Variants in TGDS observed in about 807,000 individuals in gnomAD.
TGDS encodes TDP-glucose 4,6-dehydratase.
A neutral mutation model predicts 52.3 loss-of-function variants in TGDS; 47 were observed. The observed-to-expected ratio is 0.90, with a 90% CI of 0.71 to 1.15. TGDS has a LOEUF of 1.15. Among genes scored for constraint, TGDS ranks in the 50% most tolerant of loss-of-function variants. The pLI, the probability that TGDS is intolerant of heterozygous loss-of-function variation, is 0.00. For missense variants in TGDS, 375 were observed against 418.4 expected (o/e 0.90, Z 0.90); for synonymous variants, 115 against 136.9 (o/e 0.84, Z 1.12).
At chr13:94,579,827 A>G in intron 7 of TGDS, 67 bp downstream of exon 7, 1 of 861,836 alleles carries the variant, frequency 1.2e-6, no homozygotes, top group Non-Finnish European at 1.9e-6. Context: ...AACTGAAAAG[A>G]GGTTATTTCA....
intron 4 of TGDS, among the ~76,000 whole-genome samples, chr13:94,587,866 G>A (rs950729518): frequency 2.6e-5 from 4 of 151,226 alleles, no homozygotes; most frequent in Non-Finnish European, 4.4e-5. Context: ...GTGTGGTGGC[G>A]GGCGCCTGTA....
At chr13:94,593,772 C>T (rs1410176433) in intron 2 of TGDS, 69 bp downstream of exon 2, 2 of 1,128,038 alleles carry the variant, frequency 1.8e-6, no homozygotes, top group African/African-American at 1.6e-5. Flanking sequence ...TGACAAGATT[C>T]TAGTACTTTT....
rs66717082 is a variant in TGDS at position 94,575,285 on chromosome 13, CTTTT to C, written c.983-437_983-434del. ...CAATGAGTTGATGTGAACTTCCTTGCTTTTTTTTTTTTTTTTTTTTTAAAGAGAT... is the reference window on the plus strand; with the variant it reads ...CAATGAGTTGATGTGAACTTCCTTGCTTTTTTTTTTTTTTTTTAAAGAGAT... On this transcript the variant is annotated intron_variant, in intron 11 of 11. Coordinates refer to ENST00000261296, the MANE Select transcript of TGDS (RefSeq NM_014305.4). Among the ~76,000 whole-genome samples, 5 of 113,202 alleles carry C rather than the reference CTTTT, an allele frequency of 4.4e-5. No homozygotes were observed. The South Asian group carries it at 8.8e-4, about 20-fold the overall frequency. The allele number at this position is 113,202 out of a possible 152,430, so 74.3% of individuals were successfully genotyped here.
chr13:94,585,036 G>C (rs1474795235), intron 4 of TGDS, among the ~76,000 whole-genome samples: 2 of 151,882 alleles, frequency 1.3e-5, no homozygotes, highest in Non-Finnish European at 2.9e-5. Context: ...TAAATCTCAA[G>C]GTAACCAAAT....
chr13:94,577,657 C>T (rs1385494405), intron 9 of TGDS, among the ~76,000 whole-genome samples: 3 of 152,116 alleles, frequency 2.0e-5, no homozygotes, highest in African/African-American at 7.2e-5. Context: ...TTCTATTAAA[C>T]TAAGATTTAA....
Position 94,583,110 on chromosome 13 carries a change from C to T in TGDS, c.440G>A (p.Gly147Asp), listed in dbSNP as rs1566957610. The T allele has an allele frequency of 6.2e-7, 1 of 1,613,688 alleles. No individual in the cohort carries two copies. The highest frequency in any genetic ancestry group is 8.5e-7 in the Non-Finnish European group (1 of 1,179,882). The change falls in exon 5 of 12, where the codon GGT (glycine) becomes GAT (aspartate). Residue 147 changes from glycine to aspartate, a missense_variant. Transcript: ENST00000261296. ...TAAGCTCACCTTATCAAGACTGCCA[C>T]CATATACTTCATCTGTGCTGACATA... is the stretch of plus-strand genomic sequence containing the variant. ...FIYVSTDEVY[G>D]GSLDKEFDES...
intron 5 of TGDS, among the ~76,000 whole-genome samples, chr13:94,581,991 G>A (rs9561637): frequency 6.6e-6 from 1 of 152,098 alleles, no homozygotes; most frequent in African/African-American, 2.4e-5. Flanking sequence ...CCTGAGGTCA[G>A]GAGTTCGAGA....
chr13:94,595,769 T>C (rs1889352570), intron 1 of TGDS, among the ~76,000 whole-genome samples: 1 of 151,940 alleles, frequency 6.6e-6, no homozygotes, highest in South Asian at 2.1e-4. Flanking sequence ...TTAGGGTAAC[T>C]TGCACGCACT....
chr13:94,588,014 AAAAAG>A, intron 4 of TGDS, among the ~76,000 whole-genome samples: 1 of 151,542 alleles, frequency 6.6e-6, no homozygotes, highest in South Asian at 2.1e-4. Flanking sequence ...AAAAAAAAAA[AAAAAG>A]AGACAGAAAG....
intron 4 of TGDS, among the ~76,000 whole-genome samples, chr13:94,587,774 G>C (rs1210378241): frequency 6.6e-6 from 1 of 151,936 alleles, no homozygotes; most frequent in Non-Finnish European, 1.5e-5. Flanking sequence ...GAGGCGGGTG[G>C]ATCACGAGGT....
At chr13:94,580,049 C>A in intron 6 of TGDS, 96 bp from the exon 7 acceptor site, 1 of 744,748 alleles carries the variant, frequency 1.3e-6, no homozygotes, top group South Asian at 1.9e-5. Context: ...GCACCTTTGC[C>A]TAAATAATTC....
At position 94,579,884 on chromosome 13, in the gene TGDS, T is replaced by C. The variant is rs749933825; in HGVS notation, c.615+10A>G. The stretch of plus-strand genomic sequence containing the variant: ...CTGAAAAACACCATGAATTAAGAAG[T>C]AAAATTTACCTTTTCTGGATATTGA... On this transcript the variant is annotated intron_variant, in intron 7 of 11. Transcript: ENST00000261296. The C allele has an allele frequency of 6.5e-7, 1 of 1,541,872 alleles. No individual in the cohort carries two copies. The highest frequency in any genetic ancestry group is 1.2e-5 in the South Asian group (1 of 84,866).
intron 4 of TGDS, among the ~76,000 whole-genome samples, chr13:94,586,101 AAAGT>A (rs1888971723): frequency 6.6e-6 from 1 of 152,190 alleles, no homozygotes; most frequent in Admixed American, 6.5e-5. Context: ...TTTTTTAAAA[AAAGT>A]AAGCAGCAAC....
Position 94,575,338 on chromosome 13 carries a change from A to G in TGDS, c.983-486T>C, listed in dbSNP as rs990382714. Among the ~76,000 whole-genome samples, 3 of 140,770 alleles carry G rather than the reference A, an allele frequency of 2.1e-5. No homozygotes were observed. The South Asian group carries it at 6.5e-4, about 31-fold the overall frequency. The allele number at this position is 140,770 out of a possible 152,430, so 92.4% of individuals were successfully genotyped here. ...ATGGGGTCTCGCTGTCACCCAGACT[A>G]GAGTGTAGTGGTGCAATCGTAGTTC... is the stretch of plus-strand genomic sequence containing the variant. On this transcript the variant is annotated intron_variant, in intron 11 of 11. Transcript: ENST00000261296.
chr13:94,595,312 A>G (rs1463182352), intron 1 of TGDS, among the ~76,000 whole-genome samples: 1 of 152,216 alleles, frequency 6.6e-6, no homozygotes, highest in Non-Finnish European at 1.5e-5. Context: ...TTTTCTAGAT[A>G]TGGTAGAGTT....
Position 94,595,481 on chromosome 13 carries a change from T to C in TGDS, c.86+570A>G, listed in dbSNP as rs189553860. 1.2e-4 allele frequency among the ~76,000 whole-genome samples: 19 copies of C among 152,112 alleles called. No individual in the cohort carries two copies. The East Asian group carries it at 3.7e-3, about 29-fold the overall frequency. ...GCCAACCAAGAGGCTACAGCAGCAG[T>C]CGAGGCAAAAGATGACAGTAAACAT... On this transcript the variant is annotated intron_variant, in intron 1 of 11. Transcript: ENST00000261296.
At chr13:94,587,793 C>T (rs1484404648) in intron 4 of TGDS, among the ~76,000 whole-genome samples, 3 of 150,886 alleles carry the variant, frequency 2.0e-5, no homozygotes, top group African/African-American at 4.9e-5. Context: ...GTCAGGAGAT[C>T]GAGACCGTCC....
intron 4 of TGDS, among the ~76,000 whole-genome samples, chr13:94,585,925 T>C (rs1438574338): frequency 6.6e-6 from 1 of 151,984 alleles, no homozygotes; most frequent in Non-Finnish European, 1.5e-5. Context: ...TAATTACACA[T>C]CTGTAATTTG....
chr13:94,583,115 T>C lies in TGDS; in HGVS notation c.435A>G (p.Val145=), dbSNP rs766116076. The change falls in exon 5 of 12, where the codon GTA becomes GTG. Residue 145 remains valine, a synonymous_variant. Transcript: ENST00000261296. ...EKFIYVSTDE[V]YGGSLDKEFD... ...TCACCTTATCAAGACTGCCACCATA[T>C]ACTTCATCTGTGCTGACATAAATAA... The C allele has an allele frequency of 3.7e-6, 6 of 1,613,730 alleles. No individual in the cohort carries two copies. The African/African-American group carries it at 4.0e-5, about 11-fold the overall frequency.
Sources: gnomAD v4.1 joint callset for allele counts (sites outside exome capture counted in the v4.1 genomes callset) on GRCh38, gnomAD v4.1.1 for gene constraint, MANE v1.5 for transcripts, NCBI Gene and HGNC (gene_info 2026-07-23, HGNC 2026-07-21) for gene names.